The following IGDCC4 variants were observed in gnomAD, a reference collection of about 807,000 sequenced individuals.
IGDCC4 encodes likely ortholog of mouse neighbor of Punc E11.
IGDCC4 carries 72 observed loss-of-function variants against 116.6 expected under a neutral mutation model. The observed-to-expected ratio is 0.62, with a 90% CI of 0.51 to 0.75. The LOEUF (loss-of-function observed/expected upper bound fraction) is 0.75, where lower values mean the gene tolerates loss of function less well. Among genes scored for constraint, IGDCC4 ranks in the 30% least tolerant of loss-of-function variants. The pLI, the probability that IGDCC4 is intolerant of heterozygous loss-of-function variation, is 0.00. For synonymous variants in IGDCC4, 709 were observed against 719.9 expected (o/e 0.98, Z 0.24); for missense variants, 1,501 against 1,662.4 (o/e 0.90, Z 1.69).
chr15:65,393,276 A>AG lies in IGDCC4; in HGVS notation c.1885+84dup, dbSNP rs2062884376. The AG allele has an allele frequency of 5.7e-6, 8 of 1,405,510 alleles. No individual in the cohort carries two copies. In the East Asian group the frequency reaches 2.1e-4, roughly 38 times the overall value. The allele number at this position is 1,405,510 out of a possible 1,614,324, so 87.1% of individuals were successfully genotyped here. On this transcript the variant is annotated intron_variant, in intron 10 of 19. Coordinates refer to ENST00000352385, the MANE Select transcript of IGDCC4 (RefSeq NM_020962.3). The surrounding 1 kb of genome is among the most constrained non-coding windows in gnomAD (Gnocchi z 4.6). ...AAGGTCTCTGATGGAGGGCGGGGCC[A>AG]GGGGGTGGGGCGCTGGGTCCCAAGG...
At chr15:65,397,362 A>G (rs73478550) in intron 5 of IGDCC4, among the ~76,000 whole-genome samples, 4,251 of 152,320 alleles carry the variant, frequency 0.028, 68 homozygotes, top group Middle Eastern at 0.078. Context: ...AGGGCTGGTA[A>G]GGTCGGACCA....
At chr15:65,390,004 C>A (rs2140195401) in intron 13 of IGDCC4, 151 bp downstream of exon 13, 1 of 648,752 alleles carries the variant, frequency 1.5e-6, no homozygotes, top group East Asian at 2.8e-5. Context: ...CCCTGTGCAG[C>A]CCCTCTGTGT....
At chr15:65,385,775 T>C in intron 18 of IGDCC4, 56 bp downstream of exon 18, 1 of 1,405,170 alleles carries the variant, frequency 7.1e-7, no homozygotes, top group African/African-American at 1.4e-5. Flanking sequence ...CGTTGTGCTC[T>C]GTCGCCCCCT....
At chr15:65,420,227 G>A (rs2063178184) in intron 1 of IGDCC4, among the ~76,000 whole-genome samples, 2 of 152,180 alleles carry the variant, frequency 1.3e-5, no homozygotes, top group African/African-American at 4.8e-5. Context: ...GATTACAGGC[G>A]TGAGCCACCG....
At chr15:65,392,004 A>G in intron 11 of IGDCC4, 23 bp from the exon 12 acceptor site, 2 of 1,593,358 alleles carry the variant, frequency 1.3e-6, no homozygotes, top group Non-Finnish European at 1.7e-6. Context: ...ACAGGGCTTA[A>G]TGGCTAGGGG....
At chr15:65,395,606 G>T in intron 7 of IGDCC4, 144 bp downstream of exon 7, 2 of 850,002 alleles carry the variant, frequency 2.4e-6, no homozygotes, top group Non-Finnish European at 3.3e-6. Context: ...ATACTTATGC[G>T]GGTCTCTCCT....
At chr15:65,408,451 G>A (rs1056834575) in intron 3 of IGDCC4, among the ~76,000 whole-genome samples, 4 of 152,212 alleles carry the variant, frequency 2.6e-5, no homozygotes, top group Admixed American at 1.3e-4. Context: ...TAGAAAGGCT[G>A]GGTCAGCATT....
Position 65,410,205 on chromosome 15 carries a change from T to A in IGDCC4, c.536A>T (p.Asp179Val), listed in dbSNP as rs1335245775. The change falls in exon 3 of 20, where the codon GAC becomes GTC. Residue 179 changes from aspartate to valine, a missense_variant. By Grantham distance (152) the Asp-to-Val change is radical (BLOSUM62 -3). This residue lies in a region of IGDCC4 where 898 missense variants were observed against 978.9 expected (regional missense o/e 0.92). Coordinates refer to ENST00000352385, the MANE Select transcript of IGDCC4 (RefSeq NM_020962.3). ...AGGCTCCTCAGGCAATGTCACCTGGTCCTTCTCCCAAGTAATGATGGGAGC... is the reference window on the plus strand; with the variant it reads ...AGGCTCCTCAGGCAATGTCACCTGGACCTTCTCCCAAGTAATGATGGGAGC... Reference protein sequence around the residue: ...LPAPIITWEKDQVTLPEEPRL... With the variant: ...LPAPIITWEKVQVTLPEEPRL... The A allele has an allele frequency of 1.9e-6, 3 of 1,613,526 alleles. No homozygotes were observed. The African/African-American group carries it at 4.0e-5, about 22-fold the overall frequency.
intron 14 of IGDCC4, 29 bp downstream of exon 14, chr15:65,389,255 T>C: frequency 1.2e-6 from 2 of 1,605,630 alleles, no homozygotes; most frequent in Non-Finnish European, 1.7e-6. Context: ...AAAAGATGGG[T>C]TGGTGGCAAG....
At position 65,383,620 on chromosome 15, in the gene IGDCC4, G is replaced by C. The variant is rs1424720131; in HGVS notation, c.*389C>G. ...ACACTCTCAGAGTGTGTAATAAAAG[G>C]CTGGGCGATGGAGGTGGGGGCCCAC... On this transcript the variant is annotated 3_prime_UTR_variant, in exon 20 of 20. Coordinates refer to ENST00000352385, the MANE Select transcript of IGDCC4 (RefSeq NM_020962.3). 1.7e-5 allele frequency: 3 copies of C among 173,050 alleles called. No individual in the cohort carries two copies. The highest frequency in any genetic ancestry group is 7.1e-5 in the African/African-American group (3 of 42,300). The allele number at this position is 173,050 out of a possible 1,614,324, so 10.7% of individuals were successfully genotyped here. A position where few individuals can be genotyped will look rare whatever the true frequency, so the allele number is the denominator to read the frequency against.
At chr15:65,397,333 C>CAA (rs1202979509) in intron 5 of IGDCC4, among the ~76,000 whole-genome samples, 2 of 152,172 alleles carry the variant, frequency 1.3e-5, no homozygotes, top group African/African-American at 4.8e-5. Flanking sequence ...GGGTCCCAGC[C>CAA]CAGTACTATG....
At position 65,390,199 on chromosome 15, in the gene IGDCC4, GCTGAAGCGCACAGTGTAGTTGA is replaced by G; in HGVS notation, c.2342_2363del (p.Val781AlafsTer26). On this transcript the variant is annotated frameshift_variant, in exon 13 of 20. Coordinates refer to ENST00000352385, the MANE Select transcript of IGDCC4 (RefSeq NM_020962.3). LOFTEE classifies it high-confidence loss of function. Reference sequence around the variant, plus strand: ...GGGAGGCATTCCTGAGCCCCCAGGGGCTGAAGCGCACAGTGTAGTTGACAATCTTGACTGTGGTGAAATCTGG... The same window carrying G: ...GGGAGGCATTCCTGAGCCCCCAGGGGCAATCTTGACTGTGGTGAAATCTGG... The G allele has an allele frequency of 6.2e-7, 1 of 1,607,384 alleles. No homozygotes were observed. Among genetic ancestry groups the G allele is most frequent in the Non-Finnish European group, 8.5e-7 (1 of 1,174,776 alleles).
intron 3 of IGDCC4, 52 bp from the exon 4 acceptor site, chr15:65,402,539 A>C (rs1270520389): frequency 1.3e-6 from 2 of 1,545,584 alleles, no homozygotes; most frequent in Non-Finnish European, 1.8e-6. Context: ...GGCCACAGGG[A>C]GGGTGGCTCA....
chr15:65,398,184 T>C (rs1347449479), intron 5 of IGDCC4, among the ~76,000 whole-genome samples: 1 of 152,148 alleles, frequency 6.6e-6, no homozygotes, highest in South Asian at 2.1e-4. Flanking sequence ...TTGAGTGTTT[T>C]CTGCATCTAT....
intron 1 of IGDCC4, among the ~76,000 whole-genome samples, chr15:65,421,506 G>A (rs2063189886): frequency 6.6e-6 from 1 of 152,196 alleles, no homozygotes; most frequent in Non-Finnish European, 1.5e-5. Flanking sequence ...TGTCTTTGTA[G>A]GGACAGAAGG....
intron 1 of IGDCC4, among the ~76,000 whole-genome samples, chr15:65,422,004 G>A (rs2063196384): frequency 6.6e-6 from 1 of 152,092 alleles, no homozygotes; most frequent in Non-Finnish European, 1.5e-5. Context: ...CCTCGTCCAC[G>A]CTTCCCTGGT....
Position 65,402,337 on chromosome 15 carries a change from G to A in IGDCC4, c.700+14C>T. 6.4e-7 allele frequency: 1 copy of A among 1,557,380 alleles called. No individual in the cohort carries two copies. Among genetic ancestry groups the A allele is most frequent in the East Asian group, 2.4e-5 (1 of 41,504 alleles). Reference sequence around the variant, plus strand: ...AGAAACCCCCAGGTTTCCCCACCCAGCCAGCCCCCTTACCTCTGTGGGCCA... The same window carrying A: ...AGAAACCCCCAGGTTTCCCCACCCAACCAGCCCCCTTACCTCTGTGGGCCA... On this transcript the variant is annotated intron_variant, in intron 4 of 19. Transcript: ENST00000352385.
rs536337176 is a variant in IGDCC4, at chr15:65,393,900, G to A, written c.1715-369C>T. On this transcript the variant is annotated intron_variant, in intron 9 of 19. Coordinates refer to ENST00000352385, the MANE Select transcript of IGDCC4 (RefSeq NM_020962.3). The surrounding 1 kb of genome is among the most constrained non-coding windows in gnomAD (Gnocchi z 4.6). The stretch of plus-strand genomic sequence containing the variant: ...ACGCCTGGCTTCCAGAGCCCTGAGG[G>A]CCACCATGGCCACTTCCTCACCCTT... 2.0e-5 allele frequency among the ~76,000 whole-genome samples: 3 copies of A among 152,274 alleles called. No homozygotes were observed. Among genetic ancestry groups the A allele is most frequent in the African/African-American group, 7.2e-5 (3 of 41,556 alleles).
rs757318390 is a variant in IGDCC4, at chr15:65,393,477, G to A, written c.1769C>T (p.Ser590Leu). The A allele has an allele frequency of 5.6e-6, 9 of 1,612,594 alleles. No homozygotes were observed. The highest frequency in any genetic ancestry group is 2.7e-5 in the African/African-American group (2 of 74,876). Residue 590 changes from serine (S) to leucine (L), a missense_variant, in exon 10 of 20, where the codon TCG becomes TTG. This residue lies in a region of IGDCC4 where 898 missense variants were observed against 978.9 expected (regional missense o/e 0.92). Coordinates refer to ENST00000352385, the MANE Select transcript of IGDCC4 (RefSeq NM_020962.3). The surrounding 1 kb of genome is among the most constrained non-coding windows in gnomAD (Gnocchi z 4.6). ...RGNETQLMLN[S>L]LQPNKVYRVR... is the part of the protein sequence containing the mutation. The stretch of plus-strand genomic sequence containing the variant: ...TCGATACACCTTGTTTGGCTGAAGC[G>A]AGTTCAGCATAAGCTGTGTCTCATT...
Sources: gnomAD v4.1 joint callset for allele counts (sites outside exome capture counted in the v4.1 genomes callset) on GRCh38, gnomAD v4.1.1 for gene constraint, gnomAD v4.1.1 regional missense constraint, Gnocchi (gnomAD v3.1) non-coding constraint, MANE v1.5 for transcripts, NCBI Gene and HGNC (gene_info 2026-07-23, HGNC 2026-07-21) for gene names.